SLC24A3: variants seen among roughly 807,000 people sequenced by gnomAD.
The protein encoded by SLC24A3 is solute carrier family 24 member 3, also known as sodium/potassium/calcium exchanger 3.
Under a neutral mutation model 75.8 loss-of-function variants are expected in SLC24A3, and 28 were observed. The observed-to-expected ratio is 0.37, with a 90% confidence interval of 0.27 to 0.51. SLC24A3 has a LOEUF of 0.51. Ranked by LOEUF, SLC24A3 falls within the 20% of genes least tolerant of loss-of-function variation. SLC24A3 has a pLI of 0.94. For synonymous variants in SLC24A3, 372 were observed against 334.1 expected, an observed-to-expected ratio of 1.11 and a Z score of -1.24; for missense variants, 663 against 847.8, an observed-to-expected ratio of 0.78 and a Z score of 2.71.
At chr20:19,417,145 A>C (rs992454674) in intron 2 of SLC24A3, among the ~76,000 whole-genome samples, 5 of 152,322 alleles carry the variant, frequency 3.3e-5, no homozygotes, top group African/African-American at 9.6e-5. Context: ...GGGGTGTATT[A>C]GACCAGTGAG....
chr20:19,619,972 G>GA (rs1389612822), intron 6 of SLC24A3, among the ~76,000 whole-genome samples: 7 of 152,130 alleles, frequency 4.6e-5, no homozygotes, highest in African/African-American at 2.4e-5. Flanking sequence ...ATTCTGCAGG[G>GA]AAAAAATCTC....
chr20:19,620,328 G>T (rs186334512), intron 6 of SLC24A3, among the ~76,000 whole-genome samples: 66 of 152,254 alleles, frequency 4.3e-4, no homozygotes, highest in African/African-American at 1.5e-3. Flanking sequence ...ATCTTTTTTG[G>T]GGGGGAAAGC....
chr20:19,599,346 C>T (rs986544465), intron 6 of SLC24A3, among the ~76,000 whole-genome samples: 8 of 152,188 alleles, frequency 5.3e-5, no homozygotes, highest in Non-Finnish European at 1.0e-4. Flanking sequence ...GTCCCTCCCG[C>T]GCACCTGGCG....
At chr20:19,277,216 A>G (rs967917584) in intron 1 of SLC24A3, among the ~76,000 whole-genome samples, 1 of 152,230 alleles carries the variant, frequency 6.6e-6, no homozygotes, top group African/African-American at 2.4e-5. Context: ...TGGGCAAGAT[A>G]TTTAACCTCT....
intron 6 of SLC24A3, among the ~76,000 whole-genome samples, chr20:19,632,282 C>T (rs1239577135): frequency 6.6e-6 from 1 of 152,194 alleles, no homozygotes; most frequent in Non-Finnish European, 1.5e-5. Context: ...CTTAAAACAA[C>T]CCAAATTGAC....
intron 3 of SLC24A3, among the ~76,000 whole-genome samples, chr20:19,534,360 A>G (rs116578956): frequency 0.011 from 1,655 of 151,984 alleles, 30 homozygotes; most frequent in African/African-American, 0.037. Flanking sequence ...ATCTCTTTTA[A>G]GTGTGGAGAG....
At chr20:19,618,128 TG>T (rs2031760462) in intron 6 of SLC24A3, among the ~76,000 whole-genome samples, 1 of 152,020 alleles carries the variant, frequency 6.6e-6, no homozygotes, top group African/African-American at 2.4e-5. Context: ...TGGGGAAAGA[TG>T]GGGAAGAAGG....
chr20:19,324,324 T>C (rs1984788983), intron 2 of SLC24A3, among the ~76,000 whole-genome samples: 1 of 152,218 alleles, frequency 6.6e-6, no homozygotes, highest in South Asian at 2.1e-4. Context: ...CTTCACTGGA[T>C]TGGTTTGCAA....
At chr20:19,412,217 T>G (rs1986754398) in intron 2 of SLC24A3, among the ~76,000 whole-genome samples, 1 of 152,196 alleles carries the variant, frequency 6.6e-6, no homozygotes, top group African/African-American at 2.4e-5. Flanking sequence ...CTAATAAAAT[T>G]AAGCCTTAAT....
At chr20:19,536,688 A>C (rs2030404663) in intron 3 of SLC24A3, among the ~76,000 whole-genome samples, 1 of 152,192 alleles carries the variant, frequency 6.6e-6, no homozygotes, top group African/African-American at 2.4e-5. Flanking sequence ...ATATAGACCA[A>C]TGGAACAGAA....
At chr20:19,658,779 G>C (rs574232055) in intron 7 of SLC24A3, among the ~76,000 whole-genome samples, 1 of 152,204 alleles carries the variant, frequency 6.6e-6, no homozygotes, top group Admixed American at 6.5e-5. Flanking sequence ...AGGTTCTTTA[G>C]AGCCCTTCCT....
At chr20:19,547,587 A>G (rs576919516) in intron 3 of SLC24A3, among the ~76,000 whole-genome samples, 109 of 152,368 alleles carry the variant, frequency 7.2e-4, no homozygotes, top group African/African-American at 2.6e-3. Context: ...GCCGGATCTC[A>G]CAGGTGACTG....
chr20:19,641,324 C>A (rs945956494), intron 6 of SLC24A3, among the ~76,000 whole-genome samples: 3 of 152,196 alleles, frequency 2.0e-5, no homozygotes, highest in Admixed American at 2.0e-4. Flanking sequence ...AGCCCCAAGC[C>A]TCTGAGTCTT....
At chr20:19,679,559 G>C (rs2032584406) in intron 9 of SLC24A3, among the ~76,000 whole-genome samples, 1 of 147,012 alleles carries the variant, frequency 6.8e-6, no homozygotes. Flanking sequence ...GAGAGGGAGA[G>C]GGAGAGGGAG....
chr20:19,664,634 A>G (rs1334165558), intron 7 of SLC24A3, among the ~76,000 whole-genome samples: 2 of 152,144 alleles, frequency 1.3e-5, no homozygotes, highest in Non-Finnish European at 2.9e-5. Context: ...CCGCTTTGTT[A>G]ACTGAGTTTC....
chr20:19,507,800 C>T (rs559284521), intron 2 of SLC24A3, among the ~76,000 whole-genome samples: 9 of 152,262 alleles, frequency 5.9e-5, no homozygotes, highest in African/African-American at 2.2e-4. Flanking sequence ...AGCTGTCCCT[C>T]CCAACACCAT....
At chr20:19,500,959 T>A (rs1169387583) in intron 2 of SLC24A3, among the ~76,000 whole-genome samples, 1 of 152,238 alleles carries the variant, frequency 6.6e-6, no homozygotes, top group African/African-American at 2.4e-5. Context: ...TCAGAGTGGA[T>A]GTTGCTACCA....
At chr20:19,361,162 G>T (rs1985779687) in intron 2 of SLC24A3, among the ~76,000 whole-genome samples, 1 of 152,164 alleles carries the variant, frequency 6.6e-6, no homozygotes. Context: ...CTGTTCTTTT[G>T]CAGATCAGCA....
At chr20:19,513,121 A>T (rs2029914579) in intron 2 of SLC24A3, among the ~76,000 whole-genome samples, 1 of 152,144 alleles carries the variant, frequency 6.6e-6, no homozygotes, top group East Asian at 1.9e-4. Context: ...GAAAAAAAAA[A>T]GCCTATTGCT....
Sources: allele counts gnomAD v4.1 joint callset (sites outside exome capture counted in the v4.1 genomes callset), GRCh38; gene constraint gnomAD v4.1.1; transcripts MANE v1.5; gene names NCBI Gene and HGNC (gene_info 2026-07-23, HGNC 2026-07-21).